Variants in NWD1 observed in about 807,000 individuals in gnomAD.
NWD1 encodes the protein NACHT and WD repeat domain containing 1, also known as NACHT domain- and WD repeat-containing protein 1.
NWD1 carries 129 observed loss-of-function variants against 135.1 expected under a neutral mutation model. The observed-to-expected ratio is 0.96, with a 90% CI of 0.83 to 1.11. The LOEUF is 1.11. Ranked by LOEUF, NWD1 falls within the 50% of genes least tolerant of loss-of-function variation. The pLI is 0.00. For missense variants in NWD1, 1,740 were observed against 1,851.3 expected, an observed-to-expected ratio of 0.94 and a Z score of 1.10; for synonymous variants, 773 against 786.0, an observed-to-expected ratio of 0.98 and a Z score of 0.28.
chr19:16,758,511 G>A (rs534559409), intron 6 of NWD1, among the ~76,000 whole-genome samples: 4 of 151,980 alleles, frequency 2.6e-5, no homozygotes, highest in East Asian at 1.9e-4. Flanking sequence ...CTCTGGCCTC[G>A]AGCAGTCCTC....
Position 16,815,069 on chromosome 19 carries a change from A to G in NWD1, c.*30A>G. On this transcript the variant is annotated 3_prime_UTR_variant, in exon 19 of 19. Coordinates refer to ENST00000524140, the MANE Select transcript of NWD1 (RefSeq NM_001007525.5). Reference sequence around the variant, plus strand: ...CCAGTTTGTCCATGCTGTGGTAAACAGAATCATCCCAACCACCAGTGGCTT... The same window carrying G: ...CCAGTTTGTCCATGCTGTGGTAAACGGAATCATCCCAACCACCAGTGGCTT... 6.2e-7 allele frequency: 1 copy of G among 1,612,228 alleles called. No individual in the cohort carries two copies. Among genetic ancestry groups the G allele is most frequent in the Non-Finnish European group, 8.5e-7 (1 of 1,178,272 alleles).
Position 16,765,030 on chromosome 19 carries a change from T to C in NWD1, c.2252-4T>C, listed in dbSNP as rs745309606. ...CCCACATCCTCCCCCCTTCTCTCCC[T>C]CAGGCAGCATGAGCTGGATTTCCTG... On this transcript the variant is annotated splice_polypyrimidine_tract_variant and splice_region_variant and intron_variant, in intron 9 of 18. Transcript: ENST00000524140. The C allele has an allele frequency of 6.2e-7, 1 of 1,614,012 alleles. No homozygotes were observed. The highest frequency in any genetic ancestry group is 1.1e-5 in the South Asian group (1 of 91,066).
Position 16,759,424 on chromosome 19 carries a change from C to T in NWD1, c.1969C>T (p.His657Tyr). The change falls in exon 7 of 19, where the codon CAC becomes TAC. Residue 657 changes from histidine to tyrosine, a missense_variant. His to Tyr is a moderately conservative substitution (Grantham distance 83, BLOSUM62 2). Coordinates refer to ENST00000524140, the MANE Select transcript of NWD1 (RefSeq NM_001007525.5). ...TGGCTTCACCCTCCTGGCCATTGCC[C>T]ACAGGTAGGTCCAGGCAGCAGTGGC... The part of the protein sequence containing the change: ...VDGFTLLAIA[H>Y]RQLVEVVRER... 1 of 1,556,536 alleles carries T rather than the reference C, an allele frequency of 6.4e-7. No homozygotes were observed.
chr19:16,813,981 G>A (rs1440526988), intron 18 of NWD1, among the ~76,000 whole-genome samples: 1 of 150,714 alleles, frequency 6.6e-6, no homozygotes, highest in Non-Finnish European at 1.5e-5. Flanking sequence ...GCGAGACTCT[G>A]TCTCTACAAA....
At position 16,816,826 on chromosome 19, in the gene NWD1, T is replaced by C. The variant is rs1031334780; in HGVS notation, c.*1787T>C. The C allele has an allele frequency of 2.6e-5, 4 of 152,184 alleles. No individual in the cohort carries two copies. Among genetic ancestry groups the C allele is most frequent in the African/African-American group, 9.6e-5 (4 of 41,464 alleles). The allele number at this position is 152,184 out of a possible 1,614,324, so 9.4% of individuals were successfully genotyped here. A position where few individuals can be genotyped will look rare whatever the true frequency, so the allele number is the denominator to read the frequency against. On this transcript the variant is annotated 3_prime_UTR_variant, in exon 19 of 19. Coordinates refer to ENST00000524140, the MANE Select transcript of NWD1 (RefSeq NM_001007525.5). ...ATTCATCCATTTTCCAAACCAGTTTTCCAAGGCAGGTTTTGGTAGTTCTGC... is the reference window on the plus strand; with the variant it reads ...ATTCATCCATTTTCCAAACCAGTTTCCCAAGGCAGGTTTTGGTAGTTCTGC...
At position 16,750,275 on chromosome 19, in the gene NWD1, A is replaced by C. The variant is rs1334161744; in HGVS notation, c.1633A>C (p.Lys545Gln). ...RLRLAFEEAR[K>Q]WASFTVPVPL... The stretch of plus-strand genomic sequence containing the variant: ...GAGGCTGGCGTTTGAGGAAGCCCGG[A>C]AATGGGCCTCTTTCACCGTGCCTGT... Residue 545 changes from lysine (K) to glutamine (Q), a missense_variant, in exon 6 of 19, where the codon AAA (lysine) becomes CAA (glutamine). By Grantham distance (53) the Lys-to-Gln change is moderately conservative. Transcript: ENST00000524140. 2 of 1,613,456 alleles carry C rather than the reference A, an allele frequency of 1.2e-6. No individual in the cohort carries two copies. The highest frequency in any genetic ancestry group is 2.7e-5 in the African/African-American group (2 of 74,884).
chr19:16,726,764 C>A (rs1967346876), intron 2 of NWD1, among the ~76,000 whole-genome samples: 1 of 152,182 alleles, frequency 6.6e-6, no homozygotes, highest in Non-Finnish European at 1.5e-5. Context: ...AGTTTTTCAA[C>A]ACTGCTGACA....
At chr19:16,790,066 TG>T (rs1970189407) in intron 13 of NWD1, among the ~76,000 whole-genome samples, 1 of 152,186 alleles carries the variant, frequency 6.6e-6, no homozygotes, top group African/African-American at 2.4e-5. Flanking sequence ...AAACAATGTC[TG>T]TTCCACTGTG....
intron 10 of NWD1, among the ~76,000 whole-genome samples, chr19:16,772,597 G>C (rs1217330569): frequency 6.6e-6 from 1 of 152,130 alleles, no homozygotes; most frequent in Non-Finnish European, 1.5e-5. Context: ...AGTGAGCCAA[G>C]ATCGCACCAT....
intron 1 of NWD1, among the ~76,000 whole-genome samples, chr19:16,722,223 C>T (rs1360439672): frequency 6.6e-6 from 1 of 151,554 alleles, no homozygotes; most frequent in African/African-American, 2.4e-5. Flanking sequence ...CACTTGAGGA[C>T]AGGAGATGGA....
At chr19:16,804,887 CAAT>C (rs1970706270) in intron 17 of NWD1, among the ~76,000 whole-genome samples, 1 of 151,712 alleles carries the variant, frequency 6.6e-6, no homozygotes, top group Non-Finnish European at 1.5e-5. Context: ...TGAAGAGGTA[CAAT>C]GACGGCTCAG....
chr19:16,764,316 C>G (rs1473297255), intron 9 of NWD1, among the ~76,000 whole-genome samples: 1 of 152,108 alleles, frequency 6.6e-6, no homozygotes, highest in Non-Finnish European at 1.5e-5. Context: ...ATTTGTCAGT[C>G]TGTTCATCCA....
chr19:16,727,927 T>C (rs898662364), intron 2 of NWD1, among the ~76,000 whole-genome samples: 4 of 152,010 alleles, frequency 2.6e-5, no homozygotes, highest in African/African-American at 9.7e-5. Context: ...CTGGGCGTAG[T>C]GGTGGGTGCC....
rs201665040 is a variant in NWD1 at position 16,815,238 on chromosome 19, C to G, written c.*199C>G. ...AGGCAGAGAGAGGAGCTAGTTGCAG[C>G]TGCAGGAGCTCCCCAGGACTTGGAG... is the stretch of plus-strand genomic sequence containing the variant. On this transcript the variant is annotated 3_prime_UTR_variant, in exon 19 of 19. Transcript: ENST00000524140. 1.0e-5 allele frequency: 8 copies of G among 784,612 alleles called. No homozygotes were observed. Among genetic ancestry groups the G allele is most frequent in the Non-Finnish European group, 1.9e-5 (8 of 421,548 alleles). 48.6% of individuals were successfully genotyped at this position (784,612 alleles called of 1,614,324 possible). A position where few individuals can be genotyped will look rare whatever the true frequency, so the allele number is the denominator to read the frequency against.
At chr19:16,770,530 C>T (rs746154776) in intron 10 of NWD1, among the ~76,000 whole-genome samples, 15 of 152,094 alleles carry the variant, frequency 9.9e-5, no homozygotes, top group African/African-American at 3.6e-4. Context: ...ACAGAGACCA[C>T]AAATTTTGAG....
intron 9 of NWD1, among the ~76,000 whole-genome samples, chr19:16,764,477 A>C (rs1969145394): frequency 6.6e-6 from 1 of 150,928 alleles, no homozygotes; most frequent in Admixed American, 6.6e-5. Flanking sequence ...CCATCCATCC[A>C]TCCATCCATC....
chr19:16,810,575 C>T (rs2072803665), intron 18 of NWD1, among the ~76,000 whole-genome samples: 1 of 152,040 alleles, frequency 6.6e-6, no homozygotes, highest in African/African-American at 2.4e-5. Flanking sequence ...CAAGACCAGC[C>T]TCAGCAACAC....
intron 16 of NWD1, 25 bp from the exon 17 acceptor site, chr19:16,799,861 C>G (rs1349411123): frequency 6.4e-7 from 1 of 1,565,508 alleles, no homozygotes; most frequent in East Asian, 2.3e-5. Context: ...GATGTCAGAT[C>G]TGCCCTCCTG....
intron 9 of NWD1, among the ~76,000 whole-genome samples, chr19:16,764,278 A>C (rs189821180): frequency 6.6e-6 from 1 of 152,232 alleles, no homozygotes; most frequent in Non-Finnish European, 1.5e-5. Context: ...CTGCCTTATC[A>C]TGAGAGACCC....
Sources: gnomAD v4.1 joint callset for allele counts (sites outside exome capture counted in the v4.1 genomes callset) on GRCh38, gnomAD v4.1.1 for gene constraint, MANE v1.5 for transcripts, NCBI Gene and HGNC (gene_info 2026-07-23, HGNC 2026-07-21) for gene names.